Variants in NBEA observed in about 807,000 individuals in gnomAD.
NBEA encodes the protein neurobeachin.
In NBEA, 44 loss-of-function variants were observed where a neutral mutation model predicts 343.4. That is an observed-to-expected ratio of 0.13 (90% CI 0.10 to 0.16). The LOEUF (loss-of-function observed/expected upper bound fraction) is 0.16. Ranked by LOEUF, NBEA falls within the 10% of genes least tolerant of loss-of-function variation. The probability of loss-of-function intolerance (pLI) is 1.00; values close to 1 mark genes in which losing one functional copy is unlikely to be tolerated. For synonymous variants in NBEA, 1,175 were observed against 1,238.7 expected (o/e 0.95, Z 1.08); for missense variants, 2,555 against 3,631.3 (o/e 0.70, Z 7.62).
intron 1 of NBEA, among the ~76,000 whole-genome samples, chr13:34,994,881 A>G (rs2060885743): frequency 6.6e-6 from 1 of 152,202 alleles, no homozygotes; most frequent in Non-Finnish European, 1.5e-5. Flanking sequence ...CATGGTAGGT[A>G]TTATGGGCAA....
In NBEA at chr13:35,672,339, T is replaced by C. The variant is rs2085645977; in HGVS notation, c.*1348T>C. 1 of 152,662 alleles carries C rather than the reference T, an allele frequency of 6.6e-6. No homozygotes were observed. 9.5% of individuals were successfully genotyped at this position (152,662 alleles called of 1,614,324 possible). On this transcript the variant is annotated 3_prime_UTR_variant, in exon 59 of 59. Transcript: ENST00000379939. The stretch of plus-strand genomic sequence containing the variant: ...TATTTAAAAAGATAAAACAAGATAA[T>C]GGGTTCTTTGTATTGGCACTTTGCA...
At chr13:35,216,885 T>C (rs893583456) in intron 33 of NBEA, among the ~76,000 whole-genome samples, 14 of 151,950 alleles carry the variant, frequency 9.2e-5, no homozygotes, top group African/African-American at 3.4e-4. Context: ...TATGTGAACA[T>C]ACATTTTTGT....
chr13:35,005,919 A>G (rs2061302392), intron 1 of NBEA, among the ~76,000 whole-genome samples: 1 of 152,188 alleles, frequency 6.6e-6, no homozygotes, highest in African/African-American at 2.4e-5. Flanking sequence ...CTTGGAAGAG[A>G]CAGGAACCAT....
At chr13:35,026,114 G>C (rs2062012533) in intron 1 of NBEA, among the ~76,000 whole-genome samples, 1 of 152,068 alleles carries the variant, frequency 6.6e-6, no homozygotes, top group South Asian at 2.1e-4. Context: ...TCTCATGATA[G>C]TGAGTGAGTC....
intron 1 of NBEA, among the ~76,000 whole-genome samples, chr13:35,006,176 A>G (rs2061310075): frequency 6.6e-6 from 1 of 151,842 alleles, no homozygotes; most frequent in Non-Finnish European, 1.5e-5. Context: ...TTTATTTGTC[A>G]TGTCGGTTCA....
At chr13:35,549,740 G>A (rs921683903) in intron 41 of NBEA, among the ~76,000 whole-genome samples, 4 of 152,138 alleles carry the variant, frequency 2.6e-5, no homozygotes, top group Middle Eastern at 3.2e-3. Context: ...TTTTGGTTTT[G>A]ATCTCATTAA....
chr13:35,624,222 A>C (rs1334734842), intron 48 of NBEA, among the ~76,000 whole-genome samples: 1 of 152,172 alleles, frequency 6.6e-6, no homozygotes, highest in Admixed American at 6.5e-5. Context: ...AGGTGTAACT[A>C]CTAAGAGTGG....
chr13:35,132,520 A>T (rs553054193), intron 17 of NBEA, among the ~76,000 whole-genome samples: 3 of 152,354 alleles, frequency 2.0e-5, no homozygotes, highest in East Asian at 3.9e-4. Flanking sequence ...CAGCTGATGA[A>T]TGGACAAACA....
chr13:35,370,609 G>C (rs939342551), intron 38 of NBEA, among the ~76,000 whole-genome samples: 1 of 151,878 alleles, frequency 6.6e-6, no homozygotes, highest in African/African-American at 2.4e-5. Flanking sequence ...TATATCCTTT[G>C]TTCCTTTCTC....
At chr13:35,427,345 T>C (rs1400027443) in intron 38 of NBEA, among the ~76,000 whole-genome samples, 1 of 152,180 alleles carries the variant, frequency 6.6e-6, no homozygotes, top group Non-Finnish European at 1.5e-5. Context: ...TAGTTTTCCT[T>C]CTAACAGACA....
intron 6 of NBEA, 62 bp downstream of exon 6, chr13:35,050,457 T>C: frequency 1.3e-6 from 2 of 1,510,122 alleles, no homozygotes; most frequent in Non-Finnish European, 1.8e-6. Flanking sequence ...ACTCTCCTTT[T>C]ATGAGCTCTG....
At chr13:35,207,207 T>C (rs757858832) in intron 31 of NBEA, among the ~76,000 whole-genome samples, 4 of 151,996 alleles carry the variant, frequency 2.6e-5, no homozygotes, top group Admixed American at 2.6e-4. Context: ...ACTGAAGATA[T>C]TAACAAAACC....
rs1395544427 is a variant in NBEA, at chr13:35,642,077, G to A, written c.7618-3792G>A. On this transcript the variant is annotated intron_variant, in intron 49 of 58. Transcript: ENST00000379939. ...ACCAAAGTGTTGTCTACCAATGGCTGCATGGTCTTTTGTATTTGTGAAACA... is the reference window on the plus strand; with the variant it reads ...ACCAAAGTGTTGTCTACCAATGGCTACATGGTCTTTTGTATTTGTGAAACA... Among the ~76,000 whole-genome samples the A allele has an allele frequency of 2.0e-5, 3 of 152,238 alleles. No individual in the cohort carries two copies. The East Asian group carries it at 5.8e-4, about 29-fold the overall frequency.
At chr13:35,546,675 C>T (rs147727778) in intron 41 of NBEA, among the ~76,000 whole-genome samples, 1,955 of 151,800 alleles carry the variant, frequency 0.013, 46 homozygotes, top group African/African-American at 0.045. Context: ...GCCGCAGCCT[C>T]CCAAGTAGCT....
intron 41 of NBEA, among the ~76,000 whole-genome samples, chr13:35,520,463 A>G (rs73171522): frequency 0.11 from 16,009 of 152,180 alleles, 867 homozygotes; most frequent in African/African-American, 0.13. Context: ...TAGCACTGAG[A>G]AAGTTTTTAT....
rs536634066 is a variant in NBEA at position 35,428,246 on chromosome 13, G to A, written c.6180-4023G>A. ...TTGCTCACGCTGGGAGCTGTAGACC[G>A]GAGCTGTTCCTATTCGGCCATCTTG... is the stretch of plus-strand genomic sequence containing the variant. On this transcript the variant is annotated intron_variant, in intron 38 of 58. Coordinates refer to ENST00000379939, the MANE Select transcript of NBEA (RefSeq NM_001385012.1). 1.4e-3 allele frequency among the ~76,000 whole-genome samples: 212 copies of A among 152,208 alleles called. 2 individuals carry two copies. Among genetic ancestry groups the A allele is most frequent in the African/African-American group, 4.7e-3 (194 of 41,534 alleles).
chr13:35,045,752 C>T (rs2062828084), intron 4 of NBEA, among the ~76,000 whole-genome samples: 1 of 149,610 alleles, frequency 6.7e-6, no homozygotes, highest in South Asian at 2.1e-4. Flanking sequence ...GTGTTTTTGA[C>T]GGAGGCTTGC....
chr13:35,433,448 T>A (rs1291881618), intron 39 of NBEA, among the ~76,000 whole-genome samples: 1 of 152,076 alleles, frequency 6.6e-6, no homozygotes, highest in Non-Finnish European at 1.5e-5. Flanking sequence ...TAAATAGTAT[T>A]ATATCAAATC....
At chr13:35,009,337 T>G (rs188650385) in intron 1 of NBEA, among the ~76,000 whole-genome samples, 281 of 152,256 alleles carry the variant, frequency 1.8e-3, no homozygotes, top group Middle Eastern at 0.014. Flanking sequence ...GAGAGCATAA[T>G]GCAGGGAAAG....
Sources: allele counts gnomAD v4.1 joint callset (sites outside exome capture counted in the v4.1 genomes callset), GRCh38; gene constraint gnomAD v4.1.1; transcripts MANE v1.5; gene names NCBI Gene and HGNC (gene_info 2026-07-23, HGNC 2026-07-21).